Variants in NQO2 observed in about 807,000 individuals in gnomAD.
NQO2 encodes ribosyldihydronicotinamide dehydrogenase [quinone].
NQO2 carries 18 observed loss-of-function variants against 22.0 expected under a neutral mutation model. That is an observed-to-expected ratio of 0.82 (90% CI 0.56 to 1.21). NQO2 has a LOEUF of 1.21. Among genes scored for constraint, NQO2 ranks in the 50% most tolerant of loss-of-function variants. The pLI is 0.00. For missense variants in NQO2, 267 were observed against 286.9 expected (o/e 0.93, Z 0.50); for synonymous variants, 106 against 110.8 (o/e 0.96, Z 0.28).
chr6:3,004,655 G>A (rs1218132935), intron 1 of NQO2: 2 of 984,952 alleles, frequency 2.0e-6, no homozygotes, highest in Admixed American at 6.1e-5. Flanking sequence ...AGTCCTGGTG[G>A]GGATAAGCAC....
Position 3,011,878 on chromosome 6 carries a change from A to G in NQO2, c.173-666A>G, listed in dbSNP as rs1489144292. ...AGAGAGAGTCTTTCCCAAACAAAGA[A>G]AAGCTGAGAAAATGCACCACCACCA... On this transcript the variant is annotated intron_variant, in intron 3 of 6. Transcript: ENST00000380455. 4.6e-5 allele frequency among the ~76,000 whole-genome samples: 7 copies of G among 152,244 alleles called. No individual in the cohort carries two copies. The East Asian group carries it at 1.2e-3, about 25-fold the overall frequency.
At chr6:3,007,318 A>G (rs1756986867) in intron 2 of NQO2, among the ~76,000 whole-genome samples, 2 of 152,210 alleles carry the variant, frequency 1.3e-5, no homozygotes, top group Admixed American at 1.3e-4. Context: ...CCAGTTGAGA[A>G]CCATTGGTGT....
intron 1 of NQO2, chr6:3,004,158 G>A (rs545546871): frequency 1.3e-4 from 27 of 215,282 alleles, no homozygotes; most frequent in East Asian, 3.7e-4. Context: ...TGGAAGCCCC[G>A]CCTGTGACTT....
chr6:3,012,419 G>A (rs1757163540), intron 3 of NQO2, 125 bp from the exon 4 acceptor site: 1 of 1,488,948 alleles, frequency 6.7e-7, no homozygotes, highest in Non-Finnish European at 8.9e-7. Context: ...GCAGCTTCTG[G>A]TCAGGTTGCA....
intron 4 of NQO2, among the ~76,000 whole-genome samples, chr6:3,013,498 AAT>A (rs1387538923): frequency 6.6e-6 from 1 of 152,054 alleles, no homozygotes; most frequent in Non-Finnish European, 1.5e-5. Context: ...TATCAGGGTA[AAT>A]CAGGCCAAAT....
intron 3 of NQO2, among the ~76,000 whole-genome samples, chr6:3,010,868 C>T (rs1405475181): frequency 6.6e-6 from 1 of 151,886 alleles, no homozygotes; most frequent in African/African-American, 2.4e-5. Flanking sequence ...CTGGCACACT[C>T]TGAACAGTAG....
chr6:3,016,142 T>C (rs917747768), intron 5 of NQO2, among the ~76,000 whole-genome samples: 101 of 152,274 alleles, frequency 6.6e-4, no homozygotes, highest in African/African-American at 2.4e-3. Context: ...AAAACAATGA[T>C]TTTTAAGGCT....
At chr6:3,014,045 C>T (rs538443210) in intron 4 of NQO2, among the ~76,000 whole-genome samples, 6 of 152,282 alleles carry the variant, frequency 3.9e-5, no homozygotes, top group African/African-American at 1.4e-4. Context: ...CTTGAGGATG[C>T]GGAGTGGGCA....
intron 2 of NQO2, among the ~76,000 whole-genome samples, chr6:3,008,235 T>G (rs1291623871): frequency 6.6e-6 from 1 of 151,726 alleles, no homozygotes; most frequent in Non-Finnish European, 1.5e-5. Context: ...TTGACCAACA[T>G]GGAGAAACCC....
At chr6:3,016,788 C>A in intron 5 of NQO2, 96 bp from the exon 6 acceptor site, 1 of 1,540,572 alleles carries the variant, frequency 6.5e-7, no homozygotes, top group South Asian at 1.2e-5. Context: ...CACGCATGTT[C>A]CCTGCTGGCT....
chr6:3,006,674 C>T lies in NQO2; in HGVS notation c.7+115C>T. On this transcript the variant is annotated intron_variant, in intron 2 of 6. Transcript: ENST00000380455. The surrounding 1 kb of genome is among the most constrained non-coding windows in gnomAD (Gnocchi z 4.0). Reference sequence around the variant, plus strand: ...CAAGTGACCCTCCCACATTGACCTTCCAGGTGGGAGTTAGACTCTTAATCA... The same window carrying T: ...CAAGTGACCCTCCCACATTGACCTTTCAGGTGGGAGTTAGACTCTTAATCA... The T allele has an allele frequency of 1.9e-6, 2 of 1,077,792 alleles. No homozygotes were observed. Among genetic ancestry groups the T allele is most frequent in the Non-Finnish European group, 2.6e-6 (2 of 774,488 alleles). The allele number at this position is 1,077,792 out of a possible 1,614,324, so 66.8% of individuals were successfully genotyped here. A position where few individuals can be genotyped will look rare whatever the true frequency, so the allele number is the denominator to read the frequency against.
intron 6 of NQO2, among the ~76,000 whole-genome samples, chr6:3,018,132 A>G (rs911055827): frequency 1.3e-5 from 2 of 152,176 alleles, no homozygotes; most frequent in Non-Finnish European, 2.9e-5. Context: ...TGATTGCTGA[A>G]TATTGGTTTT....
intron 1 of NQO2, among the ~76,000 whole-genome samples, chr6:3,001,804 T>C (rs1162697664): frequency 6.6e-6 from 1 of 152,170 alleles, no homozygotes. Flanking sequence ...CACATGGCTC[T>C]TTTTTCCTGT....
chr6:3,004,310 G>T, intron 1 of NQO2: 1 of 984,854 alleles, frequency 1.0e-6, no homozygotes, highest in Non-Finnish European at 1.2e-6. Flanking sequence ...AAAGATGCAG[G>T]TTCCCAGCTG....
At chr6:3,019,159 G>A (rs1757445137) in intron 6 of NQO2, among the ~76,000 whole-genome samples, 1 of 152,118 alleles carries the variant, frequency 6.6e-6, no homozygotes, top group African/African-American at 2.4e-5. Flanking sequence ...ATAATCTATA[G>A]TGTGAATGTA....
At chr6:3,019,011 G>C (rs981561546) in intron 6 of NQO2, among the ~76,000 whole-genome samples, 1 of 151,878 alleles carries the variant, frequency 6.6e-6, no homozygotes, top group African/African-American at 2.4e-5. Flanking sequence ...TTTATTATAG[G>C]TTTATTACAT....
At chr6:3,014,310 G>A (rs1410606591) in intron 4 of NQO2, among the ~76,000 whole-genome samples, 2 of 152,152 alleles carry the variant, frequency 1.3e-5, no homozygotes, top group African/African-American at 4.8e-5. Flanking sequence ...AGTGCAGGAC[G>A]TCCTTTGTCC....
rs775578630 is a variant in NQO2, at chr6:3,019,642, A to G, written c.683A>G (p.His228Arg). Reference protein sequence around the residue: ...EEPIPCTAHWHFGQ With the variant: ...EEPIPCTAHWRFGQ ...CCCATCCCCTGCACAGCCCACTGGC[A>G]CTTCGGGCAATAACTCTGTGGCACG... Residue 228 changes from histidine (H) to arginine (R), a missense_variant, in exon 7 of 7, where the codon CAC (histidine) becomes CGC (arginine). Transcript: ENST00000380455. 1.2e-5 allele frequency: 19 copies of G among 1,608,352 alleles called. No homozygotes were observed. Among genetic ancestry groups the G allele is most frequent in the Non-Finnish European group, 1.4e-5 (17 of 1,176,818 alleles).
At chr6:3,004,730 G>T in intron 1 of NQO2, 1 of 780,700 alleles carries the variant, frequency 1.3e-6, no homozygotes, top group Non-Finnish European at 1.6e-6. Flanking sequence ...TCACGTTGTC[G>T]TTTGGACACA....
Sources: gnomAD v4.1 joint callset for allele counts (sites outside exome capture counted in the v4.1 genomes callset) on GRCh38, gnomAD v4.1.1 for gene constraint, Gnocchi (gnomAD v3.1) non-coding constraint, MANE v1.5 for transcripts, NCBI Gene and HGNC (gene_info 2026-07-23, HGNC 2026-07-21) for gene names.